The following SPRY3 variants were observed in gnomAD, a reference collection of about 807,000 sequenced individuals.
The protein encoded by SPRY3 is sprouty RTK signaling antagonist 3, also known as protein sprouty homolog 3.
In SPRY3, 15 loss-of-function variants were observed where a neutral mutation model predicts 20.2. That is an observed-to-expected ratio of 0.74 (90% CI 0.50 to 1.14). The LOEUF (loss-of-function observed/expected upper bound fraction) is 1.14. Ranked by LOEUF, SPRY3 falls within the 50% of genes most tolerant of loss-of-function variation. The probability of loss-of-function intolerance (pLI) is 0.00; values close to 1 mark genes in which losing one functional copy is unlikely to be tolerated. For missense variants in SPRY3, 364 were observed against 363.9 expected, an observed-to-expected ratio of 1.00 and a Z score of 0.00; for synonymous variants, 143 against 136.5, an observed-to-expected ratio of 1.05 and a Z score of -0.33.
chrX:155,678,470 T>C (rs1038796756), intron 2 of SPRY3, among the ~76,000 whole-genome samples: 2 of 111,748 alleles, frequency 1.8e-5, no homozygotes, highest in Admixed American at 1.9e-4. Context: ...AATTCGAATG[T>C]CCTTTCTTTT....
chrX:155,758,145 C>T (rs935603115), intron 2 of SPRY3, among the ~76,000 whole-genome samples: 9 of 152,144 alleles, frequency 5.9e-5, no homozygotes, highest in African/African-American at 9.7e-5. Flanking sequence ...TTCATTTATT[C>T]GTTCAACCAA....
intron 2 of SPRY3, among the ~76,000 whole-genome samples, chrX:155,667,026 G>A (rs1419064571): frequency 1.8e-5 from 2 of 111,157 alleles, no homozygotes; most frequent in South Asian, 3.8e-4. Flanking sequence ...CTACCACTAC[G>A]AAATCCAGCA....
chrX:155,715,601 T>C (rs2091016747), intron 2 of SPRY3, among the ~76,000 whole-genome samples: 1 of 152,122 alleles, frequency 6.6e-6, no homozygotes, highest in Admixed American at 6.5e-5. Flanking sequence ...CTAGATTGTG[T>C]GCCCCCTAAG....
At chrX:155,637,350 A>T (rs1603116878) in intron 1 of SPRY3, among the ~76,000 whole-genome samples, 1 of 111,183 alleles carries the variant, frequency 9.0e-6, no homozygotes. Flanking sequence ...ACTGTGTGTT[A>T]TGCTCTGTGA....
intron 2 of SPRY3, among the ~76,000 whole-genome samples, chrX:155,747,085 G>A (rs2091231072): frequency 6.6e-6 from 1 of 151,934 alleles, no homozygotes; most frequent in Non-Finnish European, 1.5e-5. Context: ...CTAAATTAAA[G>A]GAGAATCACA....
At chrX:155,718,841 T>G (rs935311721) in intron 2 of SPRY3, among the ~76,000 whole-genome samples, 3 of 152,056 alleles carry the variant, frequency 2.0e-5, no homozygotes, top group Non-Finnish European at 4.4e-5. Context: ...TAGGAAAATA[T>G]TGACAGATAT....
intron 2 of SPRY3, among the ~76,000 whole-genome samples, chrX:155,664,783 C>T (rs1481229918): frequency 1.0e-4 from 11 of 107,069 alleles, no homozygotes; most frequent in Non-Finnish European, 3.9e-5. Flanking sequence ...TTGTGGGGTG[C>T]GTGTGTGTGT....
chrX:155,770,628 T>TTCTCTCTCTCTC (rs371698358), intron 3 of SPRY3, among the ~76,000 whole-genome samples: 2 of 146,444 alleles, frequency 1.4e-5, no homozygotes, highest in African/African-American at 5.0e-5. Flanking sequence ...GATGTGTACA[T>TTCTCTCTCTCTC]TCTCTCTCTC....
intron 2 of SPRY3, among the ~76,000 whole-genome samples, chrX:155,764,994 A>G (rs1380037006): frequency 6.6e-6 from 1 of 152,126 alleles, no homozygotes; most frequent in African/African-American, 2.4e-5. Context: ...GCACCTTCTC[A>G]CTGTGTCCTC....
At chrX:155,617,729 T>A (rs2067858547) in intron 1 of SPRY3, among the ~76,000 whole-genome samples, 1 of 111,789 alleles carries the variant, frequency 8.9e-6, no homozygotes, top group Non-Finnish European at 1.9e-5. Context: ...CTTCTTGGTT[T>A]CAAGACTAAC....
intron 2 of SPRY3, among the ~76,000 whole-genome samples, chrX:155,759,060 C>G (rs1247786688): frequency 6.6e-6 from 1 of 150,436 alleles, no homozygotes; most frequent in African/African-American, 2.5e-5. Context: ...CTCAATGGAT[C>G]TTATTAATTC....
intron 2 of SPRY3, among the ~76,000 whole-genome samples, chrX:155,673,651 G>A (rs193034727): frequency 8.9e-6 from 1 of 111,936 alleles, no homozygotes; most frequent in East Asian, 2.8e-4. Flanking sequence ...ATCCATTTCT[G>A]CCTTGCTTGG....
At chrX:155,750,282 G>A (rs1490544458) in intron 2 of SPRY3, among the ~76,000 whole-genome samples, 1 of 151,796 alleles carries the variant, frequency 6.6e-6, no homozygotes, top group Non-Finnish European at 1.5e-5. Context: ...CTAGTGCGGG[G>A]GGAAGGGAAG....
chrX:155,692,138 T>C (rs2068103684), intron 2 of SPRY3, among the ~76,000 whole-genome samples: 1 of 110,134 alleles, frequency 9.1e-6, no homozygotes, highest in Admixed American at 9.7e-5. Flanking sequence ...ACTGGTAAGG[T>C]TAGTGGGGAG....
intron 2 of SPRY3, among the ~76,000 whole-genome samples, chrX:155,764,559 T>A (rs1216390074): frequency 6.6e-6 from 1 of 152,200 alleles, no homozygotes; most frequent in Non-Finnish European, 1.5e-5. Flanking sequence ...AGTATTAATT[T>A]AGTGATCAGT....
At chrX:155,652,209 G>C (rs1459861913) in intron 1 of SPRY3, among the ~76,000 whole-genome samples, 1 of 111,519 alleles carries the variant, frequency 9.0e-6, no homozygotes, top group Non-Finnish European at 1.9e-5. Context: ...TTTGGGCGGG[G>C]ACACAAATCC....
intron 2 of SPRY3, among the ~76,000 whole-genome samples, chrX:155,687,696 A>T (rs138549275): frequency 3.9e-3 from 438 of 112,309 alleles, no homozygotes; most frequent in Middle Eastern, 0.028. Context: ...AATAGAAAAC[A>T]TCTGTTTGTC....
At chrX:155,736,353 C>T (rs765508936) in intron 2 of SPRY3, among the ~76,000 whole-genome samples, 1 of 152,008 alleles carries the variant, frequency 6.6e-6, no homozygotes, top group South Asian at 2.1e-4. Flanking sequence ...CTTCTTTTAA[C>T]ATTTTTTTAC....
chrX:155,706,657 C>A, intron 2 of SPRY3, among the ~76,000 whole-genome samples: 1 of 150,216 alleles, frequency 6.7e-6, no homozygotes. Context: ...AGAATAATTC[C>A]CATTTAACTA....
Sources: gnomAD v4.1 joint callset for allele counts (sites outside exome capture counted in the v4.1 genomes callset) on GRCh38, gnomAD v4.1.1 for gene constraint, MANE v1.5 for transcripts, NCBI Gene and HGNC (gene_info 2026-07-23, HGNC 2026-07-21) for gene names.